GRB14: variants seen among roughly 807,000 people sequenced by gnomAD.
GRB14 encodes growth factor receptor-bound protein 14.
In GRB14, 38 loss-of-function variants were observed where a neutral mutation model predicts 69.1. The observed-to-expected ratio is 0.55, with a 90% CI of 0.42 to 0.72. GRB14 has a LOEUF of 0.72. Ranked by LOEUF, GRB14 falls within the 30% of genes least tolerant of loss-of-function variation. GRB14 has a pLI of 0.00. For synonymous variants in GRB14, 247 were observed against 241.3 expected (o/e 1.02, Z -0.22); for missense variants, 666 against 666.1 (o/e 1.00, Z 0.00).
At chr2:164,587,861 A>G (rs1018973233) in intron 2 of GRB14, among the ~76,000 whole-genome samples, 1 of 152,170 alleles carries the variant, frequency 6.6e-6, no homozygotes, top group Non-Finnish European at 1.5e-5. Flanking sequence ...ACATCACATG[A>G]AAGACGGGGT....
rs1217021293 is a variant in GRB14, at chr2:164,544,724, G to T, written c.481+2936C>A. 2.6e-5 allele frequency among the ~76,000 whole-genome samples: 4 copies of T among 152,270 alleles called. No homozygotes were observed. In the South Asian group the frequency reaches 8.3e-4, roughly 32 times the overall value. ...CTAGGCTGAGCTGTCAAAGTCAGTT[G>T]CACTATTGTAGCTCATCAGCTATCA... On this transcript the variant is annotated intron_variant, in intron 3 of 13. Coordinates refer to ENST00000263915, the MANE Select transcript of GRB14 (RefSeq NM_004490.3).
intron 2 of GRB14, among the ~76,000 whole-genome samples, chr2:164,607,510 G>A (rs772762315): frequency 4.6e-5 from 7 of 152,194 alleles, no homozygotes; most frequent in Non-Finnish European, 1.0e-4. Context: ...TAATCTGAGC[G>A]AGGGAGAAGA....
chr2:164,512,143 G>A (rs578082136), intron 6 of GRB14, among the ~76,000 whole-genome samples: 7 of 152,030 alleles, frequency 4.6e-5, no homozygotes, highest in Non-Finnish European at 8.8e-5. Context: ...AGATTTCCAA[G>A]GTTTTTTGTT....
At chr2:164,522,705 A>T (rs1255375170) in intron 5 of GRB14, among the ~76,000 whole-genome samples, 1 of 152,084 alleles carries the variant, frequency 6.6e-6, no homozygotes, top group Non-Finnish European at 1.5e-5. Context: ...TGTGGTTCTC[A>T]GTTGTGGGTG....
At chr2:164,520,624 A>T (rs1687612096) in intron 6 of GRB14, among the ~76,000 whole-genome samples, 1 of 152,228 alleles carries the variant, frequency 6.6e-6, no homozygotes, top group East Asian at 1.9e-4. Context: ...AAGGACTAAT[A>T]TCCAGAATCT....
rs1284837773 is a variant in GRB14, at chr2:164,496,988, A to G, written c.1382+20T>C. ...GAAATCCAATTCACAAGTACTCAAA[A>G]TTAAAAATACCAAACTTACCCATCC... On this transcript the variant is annotated intron_variant, in intron 12 of 13. Transcript: ENST00000263915. The G allele has an allele frequency of 4.4e-6, 7 of 1,596,328 alleles. No individual in the cohort carries two copies. In the South Asian group the frequency reaches 6.6e-5, roughly 15 times the overall value.
intron 2 of GRB14, among the ~76,000 whole-genome samples, chr2:164,597,352 T>C (rs188649397): frequency 3.3e-5 from 5 of 152,338 alleles, no homozygotes; most frequent in Admixed American, 2.6e-4. Flanking sequence ...GTAGCTATAA[T>C]ATTTAATTTG....
In GRB14 at chr2:164,502,505, T is replaced by C. The variant is rs570748993; in HGVS notation, c.1024-170A>G. Among the ~76,000 whole-genome samples the C allele has an allele frequency of 3.9e-5, 6 of 152,222 alleles. No individual in the cohort carries two copies. The East Asian group carries it at 1.2e-3, about 29-fold the overall frequency. ...ACTTTTAGTGCCCTGCAACAATACA[T>C]TTAAAAAGACAATTGAAGTCTTTTA... On this transcript the variant is annotated intron_variant, in intron 8 of 13. Transcript: ENST00000263915.
rs549640586 is a variant in GRB14, at chr2:164,621,002, G to C, written c.191+117C>G. ...CAGCTCAAAGGGGATTGTCTTCAGA[G>C]ACTTTTACAAACTTGGCCCAGCTCT... is the stretch of plus-strand genomic sequence containing the variant. On this transcript the variant is annotated intron_variant, in intron 1 of 13. Coordinates refer to ENST00000263915, the MANE Select transcript of GRB14 (RefSeq NM_004490.3). The surrounding 1 kb of genome is among the most constrained non-coding windows in gnomAD (Gnocchi z 6.0). The C allele has an allele frequency of 9.2e-6, 8 of 873,434 alleles. No individual in the cohort carries two copies. The African/African-American group carries it at 1.0e-4, about 11-fold the overall frequency. 54.1% of individuals were successfully genotyped at this position (873,434 alleles called of 1,614,324 possible).
At chr2:164,507,118 A>C (rs947909683) in intron 8 of GRB14, among the ~76,000 whole-genome samples, 1 of 152,218 alleles carries the variant, frequency 6.6e-6, no homozygotes, top group African/African-American at 2.4e-5. Flanking sequence ...AAAAATTGTA[A>C]GAATACAAAA....
chr2:164,592,235 C>T (rs994729991), intron 2 of GRB14, among the ~76,000 whole-genome samples: 1 of 151,890 alleles, frequency 6.6e-6, no homozygotes, highest in African/African-American at 2.4e-5. Context: ...CCCGGGTTCA[C>T]GCCATTCTCC....
At chr2:164,541,742 T>C (rs938303577) in intron 3 of GRB14, among the ~76,000 whole-genome samples, 1 of 152,118 alleles carries the variant, frequency 6.6e-6, no homozygotes, top group Non-Finnish European at 1.5e-5. Flanking sequence ...CATATATATA[T>C]ATGCAAGTTT....
At chr2:164,517,184 A>G (rs1687514203) in intron 6 of GRB14, among the ~76,000 whole-genome samples, 2 of 152,298 alleles carry the variant, frequency 1.3e-5, no homozygotes, top group Non-Finnish European at 2.9e-5. Context: ...GGCAGTAGAC[A>G]AGAGAACTTG....
intron 8 of GRB14, 94 bp from the exon 9 acceptor site, chr2:164,502,429 A>G (rs1297866823): frequency 2.6e-6 from 2 of 756,170 alleles, no homozygotes; most frequent in African/African-American, 1.8e-5. Flanking sequence ...CAATATAAAT[A>G]TAAAAACAAT....
Position 164,618,680 on chromosome 2 carries a change from T to C in GRB14, c.324+1007A>G, listed in dbSNP as rs184611945. Among the ~76,000 whole-genome samples, 57 of 152,334 alleles carry C rather than the reference T, an allele frequency of 3.7e-4. No individual in the cohort carries two copies. In the East Asian group the frequency reaches 0.01, roughly 27 times the overall value. ...CTACTGTCTCTATCATTTCTGTATATGATCAATAATTCATCTGCTTCCTAA... is the reference window on the plus strand; with the variant it reads ...CTACTGTCTCTATCATTTCTGTATACGATCAATAATTCATCTGCTTCCTAA... On this transcript the variant is annotated intron_variant, in intron 2 of 13. Coordinates refer to ENST00000263915, the MANE Select transcript of GRB14 (RefSeq NM_004490.3).
Position 164,621,404 on chromosome 2 carries a change from C to T in GRB14, c.-95G>A, listed in dbSNP as rs1398059343. ...GAGGCGAGGTGCCGGCTAGGCAGCC[C>T]GAGCGCTCTGCAGGTGTGGTGGCCT... On this transcript the variant is annotated 5_prime_UTR_variant, in exon 1 of 14. Coordinates refer to ENST00000263915, the MANE Select transcript of GRB14 (RefSeq NM_004490.3). The surrounding 1 kb of genome is among the most constrained non-coding windows in gnomAD (Gnocchi z 6.0). The T allele has an allele frequency of 9.4e-7, 1 of 1,063,910 alleles. No homozygotes were observed. The highest frequency in any genetic ancestry group is 4.8e-5 in the South Asian group (1 of 20,644). The allele number at this position is 1,063,910 out of a possible 1,614,324, so 65.9% of individuals were successfully genotyped here. A position where few individuals can be genotyped will look rare whatever the true frequency, so the allele number is the denominator to read the frequency against.
At chr2:164,574,237 T>C (rs924147729) in intron 2 of GRB14, among the ~76,000 whole-genome samples, 4 of 151,288 alleles carry the variant, frequency 2.6e-5, no homozygotes, top group Non-Finnish European at 4.4e-5. Context: ...AGAGGAAAAA[T>C]TATCTTTTTT....
At chr2:164,552,378 C>A (rs1415251791) in intron 2 of GRB14, among the ~76,000 whole-genome samples, 2 of 152,166 alleles carry the variant, frequency 1.3e-5, no homozygotes, top group Non-Finnish European at 1.5e-5. Flanking sequence ...ACTTACAAAG[C>A]CTATCACAGT....
chr2:164,611,230 C>T (rs751324610), intron 2 of GRB14, among the ~76,000 whole-genome samples: 6 of 151,984 alleles, frequency 3.9e-5, no homozygotes, highest in Admixed American at 1.3e-4. Flanking sequence ...AATTACATGC[C>T]GCGATTTACC....
Sources: gnomAD v4.1 joint callset for allele counts (sites outside exome capture counted in the v4.1 genomes callset) on GRCh38, gnomAD v4.1.1 for gene constraint, Gnocchi (gnomAD v3.1) non-coding constraint, MANE v1.5 for transcripts, NCBI Gene and HGNC (gene_info 2026-07-23, HGNC 2026-07-21) for gene names.